Variants in TRPM5 observed in about 807,000 individuals in gnomAD.
The protein encoded by TRPM5 is MLSN1 and TRP-related.
TRPM5 carries 121 observed loss-of-function variants against 124.9 expected under a neutral mutation model. That is an observed-to-expected ratio of 0.97 (90% CI 0.84 to 1.13). The LOEUF (loss-of-function observed/expected upper bound fraction) is 1.13, where lower values mean the gene tolerates loss of function less well. Among genes scored for constraint, TRPM5 ranks in the 50% most tolerant of loss-of-function variants. The pLI is 0.00. For synonymous variants in TRPM5, 781 were observed against 700.5 expected, an observed-to-expected ratio of 1.11 and a Z score of -1.81; for missense variants, 1,643 against 1,589.1, an observed-to-expected ratio of 1.03 and a Z score of -0.58.
the TRPM5 span, among the ~76,000 whole-genome samples, chr11:2,429,115 G>A: frequency 6.7e-6 from 1 of 150,216 alleles, no homozygotes; most frequent in Non-Finnish European, 1.5e-5. The surrounding 1 kb of genome is among the most constrained non-coding windows in gnomAD (Gnocchi z 8.4). Context: ...GATGATGGTG[G>A]TGGTAGCTGG....
exon 20 of TRPM5, chr11:2,407,174 G>T (rs1484273054): frequency 6.2e-7 from 1 of 1,611,508 alleles, no homozygotes; most frequent in East Asian, 2.2e-5. Flanking sequence ...GGAGCGTCAG[G>T]CTCAGGTGGC....
intron 21 of TRPM5, 74 bp from the exon 27 acceptor site, chr11:2,406,165 C>T (rs764160750): frequency 6.5e-7 from 1 of 1,538,604 alleles, no homozygotes; most frequent in South Asian, 1.1e-5. Context: ...CCCCATCCCC[C>T]CAGGCCTCCC....
chr11:2,424,436 C>G (rs1009605998), upstream of TRPM5, among the ~76,000 whole-genome samples: 1 of 152,232 alleles, frequency 6.6e-6, no homozygotes, highest in African/African-American at 2.4e-5. Flanking sequence ...ACCCCAGGAC[C>G]TGGGAATGTG....
exon 5 of TRPM5, chr11:2,418,540 G>A: frequency 6.2e-7 from 1 of 1,611,468 alleles, no homozygotes; most frequent in Non-Finnish European, 8.5e-7. Flanking sequence ...CAAGGTGTTG[G>A]GATCACCATT....
downstream of TRPM5, among the ~76,000 whole-genome samples, chr11:2,404,105 G>C (rs185891853): frequency 4.6e-4 from 70 of 152,308 alleles, no homozygotes; most frequent in Non-Finnish European, 7.5e-4. Context: ...AGTGGGTACA[G>C]AATCTGCCCT....
At chr11:2,418,650 C>T in intron 4 of TRPM5, 59 bp from the exon 10 acceptor site, 1 of 1,505,204 alleles carries the variant, frequency 6.6e-7, no homozygotes, top group Non-Finnish European at 9.0e-7. Context: ...CCACCCGGAT[C>T]TCAGGCTCTC....
rs772400755 is a variant in TRPM5, at chr11:2,407,752, G to T, written c.2936+7C>A. On this transcript the variant is annotated splice_region_variant and intron_variant, in intron 19 of 23. Coordinates refer to ENST00000155858, the Ensembl canonical transcript of TRPM5. ...GGCTCTCTCCTCCAGGGGTTGGGTG[G>T]AGTCACCTGAACATGGCGATGAGCA... 3.7e-6 allele frequency: 6 copies of T among 1,613,052 alleles called. No individual in the cohort carries two copies. In the East Asian group the frequency reaches 1.1e-4, roughly 30 times the overall value.
chr11:2,410,642 G>A (rs1015988354), intron 18 of TRPM5: 5 of 451,540 alleles, frequency 1.1e-5, no homozygotes, highest in African/African-American at 1.0e-4. Flanking sequence ...GGCCCCCATG[G>A]CCAAGCGGCT....
At chr11:2,434,695 GTGTGTCTGTGTGTCTGTGTGGACAC>G in the TRPM5 span, among the ~76,000 whole-genome samples, 335 of 151,716 alleles carry the variant, frequency 2.2e-3, 1 homozygote, top group Middle Eastern at 6.9e-3. Flanking sequence ...TGCACTGTGT[GTGTGTCTGTGTGTCTGTGTGGACAC>G]TGTGTGTGTG....
exon 21 of TRPM5, chr11:2,406,759 G>A (rs762301888): frequency 1.2e-5 from 20 of 1,613,322 alleles, no homozygotes; most frequent in East Asian, 2.2e-5. Flanking sequence ...CCCAGGTGAC[G>A]ACCTTCTGGT....
At chr11:2,439,786 A>G in the TRPM5 span, among the ~76,000 whole-genome samples, 1 of 152,244 alleles carries the variant, frequency 6.6e-6, no homozygotes, top group Non-Finnish European at 1.5e-5. Flanking sequence ...CAAAGAACTC[A>G]AAACAGAAGT....
the TRPM5 span, among the ~76,000 whole-genome samples, chr11:2,435,696 T>C: frequency 6.6e-6 from 1 of 151,558 alleles, no homozygotes. The surrounding 1 kb of genome is among the most constrained non-coding windows in gnomAD (Gnocchi z 4.1). Flanking sequence ...CATCTGTCCA[T>C]CTATCCATCC....
intron 22 of TRPM5, 142 bp from the exon 28 acceptor site, chr11:2,405,735 GGGTGAGT>G: frequency 1.1e-6 from 1 of 924,310 alleles, no homozygotes; most frequent in Non-Finnish European, 1.7e-6. Flanking sequence ...TCACAGGCAG[GGGTGAGT>G]GAGGCTCCCG....
chr11:2,433,536 T>TG, the TRPM5 span, among the ~76,000 whole-genome samples: 1 of 152,208 alleles, frequency 6.6e-6, no homozygotes, highest in South Asian at 2.1e-4. Context: ...GTGCTGTGTG[T>TG]GGAGCGGGCA....
At chr11:2,432,336 G>A in the TRPM5 span, among the ~76,000 whole-genome samples, 3 of 152,214 alleles carry the variant, frequency 2.0e-5, no homozygotes, top group Non-Finnish European at 4.4e-5. Flanking sequence ...TTCCTTTGGA[G>A]GAGAGGCCAC....
chr11:2,413,113 G>T (rs375854165), intron 14 of TRPM5, 21 bp downstream of exon 19: 275 of 1,552,502 alleles, frequency 1.8e-4, no homozygotes, highest in Middle Eastern at 1.0e-3. Context: ...CCTCCACCCT[G>T]CCTGGCCCTG....
At chr11:2,413,509 G>C (rs1458023087) in exon 13 of TRPM5, 1 of 1,612,206 alleles carries the variant, frequency 6.2e-7, no homozygotes. Flanking sequence ...GACGAGGGCG[G>C]GGCAGAGGAA....
At chr11:2,420,089 A>C in intron 4 of TRPM5, 133 bp downstream of exon 9, 1 of 997,688 alleles carries the variant, frequency 1.0e-6, no homozygotes, top group Non-Finnish European at 1.4e-6. Context: ...CTCGGTGCTC[A>C]GGCATGCGGG....
At chr11:2,434,676 A>G in the TRPM5 span, among the ~76,000 whole-genome samples, 1 of 142,170 alleles carries the variant, frequency 7.0e-6, no homozygotes, top group African/African-American at 2.6e-5. Flanking sequence ...GAGTGCATGT[A>G]TGTGTAGCTG....
Sources: gnomAD v4.1 joint callset for allele counts (sites outside exome capture counted in the v4.1 genomes callset) on GRCh38, gnomAD v4.1.1 for gene constraint, Gnocchi (gnomAD v3.1) non-coding constraint, MANE v1.5 for transcripts, NCBI Gene and HGNC (gene_info 2026-07-23, HGNC 2026-07-21) for gene names.